The following GNAI3 variants were observed in gnomAD, a reference collection of about 807,000 sequenced individuals.
The protein encoded by GNAI3 is guanine nucleotide-binding protein G(i) subunit alpha-3.
In GNAI3, 12 loss-of-function variants were observed where a neutral mutation model predicts 41.8. The observed-to-expected ratio is 0.29, with a 90% confidence interval of 0.18 to 0.47. The LOEUF (loss-of-function observed/expected upper bound fraction) is 0.47. Among genes scored for constraint, GNAI3 ranks in the 20% least tolerant of loss-of-function variants. The pLI is 1.00. For synonymous variants in GNAI3, 132 were observed against 146.5 expected, an observed-to-expected ratio of 0.90 and a Z score of 0.71; for missense variants, 360 against 429.6, an observed-to-expected ratio of 0.84 and a Z score of 1.43.
chr1:109,553,948 C>G (rs546313796), intron 1 of GNAI3, among the ~76,000 whole-genome samples: 15 of 152,162 alleles, frequency 9.9e-5, no homozygotes, highest in African/African-American at 3.6e-4. Context: ...CAAGTGAGAA[C>G]GTACGATGTT....
In GNAI3 at chr1:109,599,274, G is replaced by C. The variant is rs762462274; in HGVS notation, c.*6952G>C. On this transcript the variant is annotated 3_prime_UTR_variant, in exon 9 of 9. Coordinates refer to ENST00000369851, the MANE Select transcript of GNAI3 (RefSeq NM_006496.4). ...TATATAACAAAATTTGCCATCTTAA[G>C]TGTACAGTTCAGTGGCATTAAGTAC... The C allele has an allele frequency of 5.1e-6, 1 of 194,942 alleles. No homozygotes were observed. The highest frequency in any genetic ancestry group is 1.1e-5 in the Non-Finnish European group (1 of 91,374). The allele number at this position is 194,942 out of a possible 1,614,324, so 12.1% of individuals were successfully genotyped here.
At chr1:109,551,475 C>T (rs1285034898) in intron 1 of GNAI3, among the ~76,000 whole-genome samples, 1 of 152,090 alleles carries the variant, frequency 6.6e-6, no homozygotes, top group East Asian at 1.9e-4. Context: ...TATTTTCTTT[C>T]TTATGGGGGT....
intron 1 of GNAI3, among the ~76,000 whole-genome samples, chr1:109,562,874 T>TG (rs1648352991): frequency 6.6e-6 from 1 of 152,208 alleles, no homozygotes; most frequent in African/African-American, 2.4e-5. Context: ...CAATTAACTT[T>TG]GGAGGACATC....
chr1:109,592,308 T>G, intron 8 of GNAI3, 37 bp from the exon 9 acceptor site: 1 of 961,846 alleles, frequency 1.0e-6, no homozygotes. Context: ...TCTTGGTTTT[T>G]AAACTTTTTC....
chr1:109,562,271 GTAT>G (rs750989131), intron 1 of GNAI3, among the ~76,000 whole-genome samples: 6 of 152,112 alleles, frequency 3.9e-5, no homozygotes, highest in Non-Finnish European at 5.9e-5. Flanking sequence ...ATTTTATTAG[GTAT>G]TATAAGTAAT....
intron 1 of GNAI3, 60 bp from the exon 2 acceptor site, chr1:109,573,677 G>C: frequency 1.5e-6 from 2 of 1,329,808 alleles, no homozygotes; most frequent in Non-Finnish European, 2.2e-6. Context: ...CATTCATGTT[G>C]ATATTATACT....
chr1:109,586,946 A>G, intron 7 of GNAI3, 64 bp downstream of exon 7: 1 of 1,149,934 alleles, frequency 8.7e-7, no homozygotes, highest in South Asian at 1.3e-5. Flanking sequence ...CTTTGGTGGC[A>G]TTCATAAAAC....
Position 109,592,171 on chromosome 1 carries a change from GT to G in GNAI3, c.1008del (p.Phe336LeufsTer13), listed in dbSNP as rs1557913701. ...CACAGACACGAAGAATGTGCAGTTT[GT>G]TTTTGATGCTGTTACAGATGTCATC... is the stretch of plus-strand genomic sequence containing the variant. ...CATDTKNVQF[V>X]FDAVTDVIIK... On this transcript the variant is annotated frameshift_variant, in exon 8 of 9. Coordinates refer to ENST00000369851, the MANE Select transcript of GNAI3 (RefSeq NM_006496.4). LOFTEE classifies it high-confidence loss of function. 13 of 1,613,482 alleles carry G rather than the reference GT, an allele frequency of 8.1e-6. No homozygotes were observed. The highest frequency in any genetic ancestry group is 1.1e-5 in the Non-Finnish European group (13 of 1,179,450).
Position 109,558,920 on chromosome 1 carries a change from T to G in GNAI3, c.118+10082T>G, listed in dbSNP as rs1648231050. Among the ~76,000 whole-genome samples the G allele has an allele frequency of 2.6e-5, 4 of 152,226 alleles. No individual in the cohort carries two copies. The South Asian group carries it at 8.3e-4, about 32-fold the overall frequency. ...TCGGCCAGGCGCAGTATCTCACACCTGTAATCCCAGCACTTTGGGAGGCCA... is the reference window on the plus strand; with the variant it reads ...TCGGCCAGGCGCAGTATCTCACACCGGTAATCCCAGCACTTTGGGAGGCCA... On this transcript the variant is annotated intron_variant, in intron 1 of 8. Transcript: ENST00000369851.
At chr1:109,554,335 A>G (rs1261121215) in intron 1 of GNAI3, among the ~76,000 whole-genome samples, 2 of 152,152 alleles carry the variant, frequency 1.3e-5, no homozygotes, top group Non-Finnish European at 2.9e-5. Context: ...GTACTAGTTT[A>G]CATTCCCACC....
chr1:109,586,407 T>C (rs547876207), intron 6 of GNAI3, 62 bp downstream of exon 6: 21 of 1,473,382 alleles, frequency 1.4e-5, no homozygotes, highest in African/African-American at 5.6e-5. Flanking sequence ...AAATAACTTA[T>C]TAGGAAGATT....
chr1:109,551,212 G>A (rs1647975380), intron 1 of GNAI3, among the ~76,000 whole-genome samples: 1 of 152,166 alleles, frequency 6.6e-6, no homozygotes, highest in Non-Finnish European at 1.5e-5. Flanking sequence ...TCTTGAGCAA[G>A]TTAAATCCAC....
At chr1:109,572,025 G>C (rs995828252) in intron 1 of GNAI3, among the ~76,000 whole-genome samples, 1 of 152,118 alleles carries the variant, frequency 6.6e-6, no homozygotes, top group Admixed American at 6.6e-5. Flanking sequence ...TTCAGAAACT[G>C]GGTTGGGTGC....
intron 1 of GNAI3, among the ~76,000 whole-genome samples, chr1:109,562,581 G>GT (rs1010448285): frequency 2.0e-5 from 3 of 152,108 alleles, no homozygotes; most frequent in African/African-American, 7.2e-5. Flanking sequence ...AATCCATACT[G>GT]TTTTGGGTTT....
At chr1:109,574,152 A>G in intron 3 of GNAI3, 115 bp downstream of exon 3, 1 of 693,570 alleles carries the variant, frequency 1.4e-6, no homozygotes, top group Non-Finnish European at 2.4e-6. Flanking sequence ...GATAAAATGT[A>G]GCAAAGTACT....
chr1:109,568,192 G>T (rs1478039643), intron 1 of GNAI3, among the ~76,000 whole-genome samples: 1 of 152,090 alleles, frequency 6.6e-6, no homozygotes, highest in Admixed American at 6.6e-5. Context: ...ATTGAGGGGT[G>T]GAGAGCATAT....
At position 109,592,516 on chromosome 1, in the gene GNAI3, G is replaced by C. The variant is rs950054198; in HGVS notation, c.*194G>C. On this transcript the variant is annotated 3_prime_UTR_variant, in exon 9 of 9. Transcript: ENST00000369851. ...ACATGAGATGCTAAAGTCAGACATTGGAATTGGAAGAACTATAAAGTGTGA... is the reference window on the plus strand; with the variant it reads ...ACATGAGATGCTAAAGTCAGACATTCGAATTGGAAGAACTATAAAGTGTGA... The C allele has an allele frequency of 1.2e-5, 3 of 244,710 alleles. No homozygotes were observed. Among genetic ancestry groups the C allele is most frequent in the Admixed American group, 5.0e-5 (1 of 19,880 alleles). The allele number at this position is 244,710 out of a possible 1,614,324, so 15.2% of individuals were successfully genotyped here.
In GNAI3 at chr1:109,595,823, A is replaced by C. The variant is rs182823545; in HGVS notation, c.*3501A>C. 1 of 148,108 alleles carries C rather than the reference A, an allele frequency of 6.8e-6. No homozygotes were observed. Among genetic ancestry groups the C allele is most frequent in the African/African-American group, 2.6e-5 (1 of 37,948 alleles). 9.2% of individuals were successfully genotyped at this position (148,108 alleles called of 1,614,324 possible). A position where few individuals can be genotyped will look rare whatever the true frequency, so the allele number is the denominator to read the frequency against. ...CTACCATTGATTATTTTCCCTTTTT[A>C]CATGTTCAAAAAAAAAAAAATAAGC... On this transcript the variant is annotated 3_prime_UTR_variant, in exon 9 of 9. Coordinates refer to ENST00000369851, the MANE Select transcript of GNAI3 (RefSeq NM_006496.4).
At chr1:109,571,002 A>G (rs577303294) in intron 1 of GNAI3, among the ~76,000 whole-genome samples, 33 of 152,344 alleles carry the variant, frequency 2.2e-4, no homozygotes, top group Admixed American at 9.1e-4. Context: ...AAACTATTAT[A>G]TTAACTATTT....
Sources: gnomAD v4.1 joint callset for allele counts (sites outside exome capture counted in the v4.1 genomes callset) on GRCh38, gnomAD v4.1.1 for gene constraint, MANE v1.5 for transcripts, NCBI Gene and HGNC (gene_info 2026-07-23, HGNC 2026-07-21) for gene names.